Variants in PRH1 observed in about 807,000 individuals in gnomAD.
PRH1 encodes proline rich protein HaeIII subfamily 1.
In PRH1, 7 loss-of-function variants were observed where a neutral mutation model predicts 7.9. The ratio of observed to expected loss-of-function variants is 0.89; its 90% CI spans 0.50 to 1.67. The LOEUF is 1.67. Ranked by LOEUF, PRH1 falls within the 40% of genes most tolerant of loss-of-function variation. The pLI is 0.00. For synonymous variants in PRH1, 45 were observed against 80.8 expected (o/e 0.56, Z 2.38); for missense variants, 109 against 223.6 (o/e 0.49, Z 3.27).
upstream of PRH1, among the ~76,000 whole-genome samples, chr12:11,049,453 GAAAT>G (rs1418627444): frequency 4.4e-3 from 244 of 55,688 alleles, no homozygotes; most frequent in Middle Eastern, 0.023. Context: ...TGTCTTTATA[GAAAT>G]AGAAAATATT....
intron 1 of PRH1, among the ~76,000 whole-genome samples, chr12:11,043,623 T>C (rs1345779974): frequency 4.6e-5 from 7 of 152,086 alleles, no homozygotes; most frequent in African/African-American, 1.2e-4. Context: ...ACATAAAAAT[T>C]AGTAGTATTT....
chr12:11,074,038 A>T (rs200300238), intron 1 of PRH1, among the ~76,000 whole-genome samples: 39,441 of 102,724 alleles, frequency 0.38, 9,316 homozygotes, highest in Non-Finnish European at 0.48. Flanking sequence ...TGGCACAAGG[A>T]GGGGACTATA....
At chr12:10,975,791 A>T (rs1221851168) in intron 1 of PRH1, among the ~76,000 whole-genome samples, 3 of 152,176 alleles carry the variant, frequency 2.0e-5, no homozygotes, top group Non-Finnish European at 4.4e-5. Flanking sequence ...TCATAAAAAA[A>T]GTCTTTAAAT....
At chr12:11,106,630 G>C (rs1945426677) in intron 1 of PRH1, among the ~76,000 whole-genome samples, 1 of 151,998 alleles carries the variant, frequency 6.6e-6, no homozygotes, top group African/African-American at 2.4e-5. Context: ...ATTTATTTTT[G>C]ATTACTTAAT....
At chr12:11,026,970 T>G (rs979752837) in intron 1 of PRH1, among the ~76,000 whole-genome samples, 21 of 152,236 alleles carry the variant, frequency 1.4e-4, no homozygotes, top group Non-Finnish European at 2.4e-4. Context: ...TTTAATATAT[T>G]AATAATATTA....
At chr12:10,944,893 A>C (rs921413833) in intron 2 of PRH1, among the ~76,000 whole-genome samples, 19 of 152,180 alleles carry the variant, frequency 1.2e-4, no homozygotes, top group Admixed American at 3.9e-4. Context: ...CTAACTTTGC[A>C]TGCCAGGATG....
chr12:10,909,556 G>A (rs761791825), intron 2 of PRH1: 1 of 412,954 alleles, frequency 2.4e-6, no homozygotes, highest in East Asian at 3.6e-5. Context: ...TCTTCACCAT[G>A]GGCAGAAATA....
upstream of PRH1, among the ~76,000 whole-genome samples, chr12:11,049,507 ACTGT>A (rs757651122): frequency 2.2e-5 from 3 of 135,074 alleles, no homozygotes; most frequent in Non-Finnish European, 3.3e-5. Context: ...CTCTTCATAC[ACTGT>A]CTGTCTTACT....
intron 1 of PRH1, among the ~76,000 whole-genome samples, chr12:11,060,457 T>C (rs574633698): frequency 3.3e-5 from 5 of 152,144 alleles, no homozygotes; most frequent in Admixed American, 3.3e-4. Flanking sequence ...GGTAAGGGTA[T>C]AATTAACAAT....
At chr12:10,918,660 C>G (rs529261057) in intron 2 of PRH1, among the ~76,000 whole-genome samples, 3 of 152,268 alleles carry the variant, frequency 2.0e-5, no homozygotes, top group South Asian at 2.1e-4. Context: ...CGAGACTGCT[C>G]GTAACTTTGC....
intron 2 of PRH1, chr12:10,908,413 C>T (rs576141294): frequency 6.2e-7 from 1 of 1,612,848 alleles, no homozygotes; most frequent in Non-Finnish European, 8.5e-7. Context: ...ACCTTAGCTG[C>T]CACCAAAAGA....
At chr12:10,903,709 A>G (rs757509908) in intron 2 of PRH1, among the ~76,000 whole-genome samples, 1 of 151,842 alleles carries the variant, frequency 6.6e-6, no homozygotes, top group Non-Finnish European at 1.5e-5. Flanking sequence ...AAGGCATCCA[A>G]ATAGAAAAAT....
At chr12:10,898,811 C>T (rs191803093) in intron 2 of PRH1, among the ~76,000 whole-genome samples, 260 of 152,252 alleles carry the variant, frequency 1.7e-3, no homozygotes, top group African/African-American at 6.0e-3. Context: ...GGGTAAAGTA[C>T]ATTCCAGACA....
chr12:11,092,165 A>G (rs376628544), intron 1 of PRH1: 4 of 1,353,022 alleles, frequency 3.0e-6, no homozygotes, highest in African/African-American at 3.0e-5. Flanking sequence ...GCCATTAGCA[A>G]AATTTCCAAT....
intron 1 of PRH1, among the ~76,000 whole-genome samples, chr12:11,100,611 T>C (rs756017731): frequency 6.6e-6 from 1 of 152,218 alleles, no homozygotes; most frequent in African/African-American, 2.4e-5. Flanking sequence ...TTTTTAACAA[T>C]CTTTAAAACA....
intron 2 of PRH1, among the ~76,000 whole-genome samples, chr12:10,925,677 T>A (rs536561065): frequency 1.3e-5 from 2 of 152,288 alleles, no homozygotes; most frequent in African/African-American, 2.4e-5. Context: ...TCAGGAAAAA[T>A]ATATTTTTCA....
At chr12:11,144,349 G>T (rs1946801829) in intron 1 of PRH1, among the ~76,000 whole-genome samples, 1 of 152,044 alleles carries the variant, frequency 6.6e-6, no homozygotes, top group African/African-American at 2.4e-5. Context: ...GCTGAGTCTT[G>T]CAGGTTGTCA....
At chr12:10,883,171 A>G (rs1210607236) in intron 1 of PRH1, 75 bp from the exon 2 acceptor site, 49 of 1,516,952 alleles carry the variant, frequency 3.2e-5, no homozygotes, top group Non-Finnish European at 4.1e-5. Context: ...CTACGAGGAT[A>G]AAGGACCTCT....
chr12:11,141,263 T>G (rs1247236897), intron 1 of PRH1, among the ~76,000 whole-genome samples: 1 of 152,214 alleles, frequency 6.6e-6, no homozygotes, highest in African/African-American at 2.4e-5. Flanking sequence ...AGTTAATACT[T>G]AAATATTTAT....
Sources: gnomAD v4.1 joint callset for allele counts (sites outside exome capture counted in the v4.1 genomes callset) on GRCh38, gnomAD v4.1.1 for gene constraint, MANE v1.5 for transcripts, NCBI Gene and HGNC (gene_info 2026-07-23, HGNC 2026-07-21) for gene names.